Variants in SSC5D observed in about 807,000 individuals in gnomAD.
SSC5D encodes soluble scavenger receptor cysteine-rich domain-containing protein SSC5D.
A neutral mutation model predicts 104.6 loss-of-function variants in SSC5D; 106 were observed. The ratio of observed to expected loss-of-function variants is 1.01; its 90% CI spans 0.87 to 1.19. The LOEUF is 1.19. SSC5D is among the 50% of genes most tolerant of loss of function. The pLI, the probability that SSC5D is intolerant of heterozygous loss-of-function variation, is 0.00. For missense variants in SSC5D, 1,993 were observed against 2,153.8 expected (o/e 0.93, Z 1.48); for synonymous variants, 860 against 883.5 (o/e 0.97, Z 0.47).
rs1168926135 is a variant in SSC5D at position 55,491,087 on chromosome 19, CG to C, written c.895+10del. On this transcript the variant is annotated splice_region_variant and intron_variant, in intron 6 of 13. Transcript: ENST00000389623. The stretch of plus-strand genomic sequence containing the variant: ...GCGGGGCTGGTCTGCACCGGTACGT[CG>C]GGCTGGGGCCTGGCCCCCTCCTGTC... 1 of 1,545,204 alleles carries C rather than the reference CG, an allele frequency of 6.5e-7. No individual in the cohort carries two copies. Among genetic ancestry groups the C allele is most frequent in the South Asian group, 1.2e-5 (1 of 83,562 alleles).
At chr19:55,491,129 C>CT in intron 6 of SSC5D, 49 bp downstream of exon 6, 1 of 1,510,222 alleles carries the variant, frequency 6.6e-7, no homozygotes, top group South Asian at 1.3e-5. Context: ...CAGACCCCAG[C>CT]TCCCTCTTGC....
At chr19:55,501,008 C>G in intron 11 of SSC5D, 26 bp from the exon 12 acceptor site, 1 of 1,550,586 alleles carries the variant, frequency 6.4e-7, no homozygotes, top group African/African-American at 1.4e-5. Flanking sequence ...AGGATGGGGT[C>G]AACCATTACC....
At chr19:55,508,082 C>T (rs1223870858) in intron 12 of SSC5D, among the ~76,000 whole-genome samples, 1 of 152,062 alleles carries the variant, frequency 6.6e-6, no homozygotes, top group Admixed American at 6.6e-5. Context: ...GGCACAGCAG[C>T]CAGAGTGGGG....
At position 55,493,907 on chromosome 19, in the gene SSC5D, G is replaced by A. The variant is rs1261131627; in HGVS notation, c.1208G>A (p.Cys403Tyr). 5.2e-6 allele frequency: 8 copies of A among 1,543,596 alleles called. No individual in the cohort carries two copies. In the East Asian group the frequency reaches 2.0e-4, roughly 38 times the overall value. ...CHHREDAGAV[C>Y]DGMPLGYVPP... ...CACCGCGAGGACGCCGGGGCCGTGT[G>A]TGACGGTGAGGGGGTTGTGGTGGAG... The change falls in exon 7 of 14, where the codon TGT becomes TAT. Residue 403 changes from cysteine (C) to tyrosine (Y), a missense_variant. Around this residue, in one of 6 missense-constraint regions of SSC5D, gnomAD observed 1,101 missense variants for 1,085.0 expected, o/e 1.01. Coordinates refer to ENST00000389623, the MANE Select transcript of SSC5D (RefSeq NM_001144950.2).
At chr19:55,490,440 G>GCAACCAA (rs71181775) in intron 5 of SSC5D, 32 bp downstream of exon 5, 63 of 729,786 alleles carry the variant, frequency 8.6e-5, no homozygotes, top group Middle Eastern at 2.5e-4. Flanking sequence ...CCGACCCCAA[G>GCAACCAA]GCTGGTTGCT....
At position 55,489,374 on chromosome 19, in the gene SSC5D, G is replaced by A. The variant is rs556897438; in HGVS notation, c.73G>A (p.Gly25Ser). 6.8e-7 allele frequency: 1 copy of A among 1,463,994 alleles called. No homozygotes were observed. Among genetic ancestry groups the A allele is most frequent in the South Asian group, 1.4e-5 (1 of 70,842 alleles). 90.7% of individuals were successfully genotyped at this position (1,463,994 alleles called of 1,614,324 possible). A position where few individuals can be genotyped will look rare whatever the true frequency, so the allele number is the denominator to read the frequency against. ...CTCAGAGCGCCTGCGCCTGGCCGAT[G>A]GCCCCCATGGGTGCGCTGGCCGCCT... ...QAVERLRLAD[G>S]PHGCAGRLEV... The change falls in exon 3 of 14, where the codon GGC (glycine) becomes AGC (serine). Residue 25 changes from glycine (G) to serine (S), a missense_variant. Physicochemically the swap from Gly to Ser is moderately conservative, Grantham distance 56. Coordinates refer to ENST00000389623, the MANE Select transcript of SSC5D (RefSeq NM_001144950.2).
chr19:55,517,559 C>T lies in SSC5D; in HGVS notation c.3283C>T (p.Pro1095Ser), dbSNP rs1987901262. The change falls in exon 14 of 14, where the codon CCC becomes TCC. Residue 1095 changes from proline (P) to serine (S), a missense_variant. Pro to Ser is a moderately conservative substitution (Grantham distance 74). Around this residue, in one of 6 missense-constraint regions of SSC5D, gnomAD observed 423 missense variants for 409.2 expected, o/e 1.03. Coordinates refer to ENST00000389623, the MANE Select transcript of SSC5D (RefSeq NM_001144950.2). Reference protein sequence around the residue: ...EPSPTPLPTLPKELTSDPSTP... With the variant: ...EPSPTPLPTLSKELTSDPSTP... ...CTCACCCACGCCCTTACCCACCTTG[C>T]CCAAAGAGCTGACCTCTGACCCTTC... The T allele has an allele frequency of 1.3e-6, 2 of 1,551,432 alleles. No individual in the cohort carries two copies. The highest frequency in any genetic ancestry group is 1.7e-6 in the Non-Finnish European group (2 of 1,147,010).
intron 8 of SSC5D, among the ~76,000 whole-genome samples, chr19:55,495,910 T>TC (rs914756546): frequency 1.3e-5 from 2 of 149,136 alleles, no homozygotes; most frequent in African/African-American, 5.0e-5. Flanking sequence ...TATTTTTTTT[T>TC]TTTTTTTTTT....
rs1987893965 is a variant in SSC5D, at chr19:55,517,315, C to A, written c.3039C>A (p.Ala1013=). 3.2e-6 allele frequency: 5 copies of A among 1,549,834 alleles called. 1 individual carries two copies. In the East Asian group the frequency reaches 1.2e-4, roughly 38 times the overall value. Reference sequence around the variant, plus strand: ...CAACCCCGTCCCCAGGTCCCTCCGCCTCTCCGGGACCCCCAGGCCCAGCGC... The same window carrying A: ...CAACCCCGTCCCCAGGTCCCTCCGCATCTCCGGGACCCCCAGGCCCAGCGC... ...APPTPSPGPS[A]SPGPPGPALT... Residue 1013 remains alanine (A), a synonymous_variant, in exon 14 of 14, where the codon GCC becomes GCA. Transcript: ENST00000389623.
intron 12 of SSC5D, among the ~76,000 whole-genome samples, chr19:55,504,507 T>G (rs1017233723): frequency 6.6e-6 from 1 of 152,196 alleles, no homozygotes; most frequent in Non-Finnish European, 1.5e-5. Flanking sequence ...TTTTATTTAT[T>G]TATTATTTAT....
chr19:55,497,448 A>G (rs1987353838), intron 8 of SSC5D, among the ~76,000 whole-genome samples: 1 of 152,242 alleles, frequency 6.6e-6, no homozygotes, highest in African/African-American at 2.4e-5. Context: ...TGTAACATAA[A>G]GTTAACCAGT....
chr19:55,517,445 C>T lies in SSC5D; in HGVS notation c.3169C>T (p.Arg1057Trp), dbSNP rs1487793091. ...ACCACCCACCCCAGACCCGGCCTCC[C>T]GGACGAACCCCGACCTCATCTTGAC... Reference protein sequence around the residue: ...TSPPTPDPASRTNPDLILTSP... With the variant: ...TSPPTPDPASWTNPDLILTSP... Residue 1057 changes from arginine to tryptophan, a missense_variant, in exon 14 of 14, where the codon CGG becomes TGG. By Grantham distance (101) the Arg-to-Trp change is moderately radical (BLOSUM62 -3). Transcript: ENST00000389623. 1.0e-5 allele frequency: 16 copies of T among 1,551,140 alleles called. No homozygotes were observed. The highest frequency in any genetic ancestry group is 3.3e-4 in the Middle Eastern group (2 of 5,992).
At chr19:55,499,056 C>T (rs1186449748) in intron 9 of SSC5D, among the ~76,000 whole-genome samples, 1 of 152,174 alleles carries the variant, frequency 6.6e-6, no homozygotes, top group African/African-American at 2.4e-5. Context: ...TTCCCCCAAG[C>T]CTTGGCATCC....
At position 55,500,920 on chromosome 19, in the gene SSC5D, G is replaced by A. The variant is rs1390854465; in HGVS notation, c.2618-114G>A. ...TCTAAAGAACTGGGTATGAGGGGTC[G>A]GGGTGGGGAGATCCCAGAGTTGCTC... On this transcript the variant is annotated intron_variant, in intron 11 of 13. Transcript: ENST00000389623. This position sits in a 1 kb window ranked among gnomAD's most constrained non-coding sequence, Gnocchi z 4.6. 3.7e-5 allele frequency: 55 copies of A among 1,502,954 alleles called. No individual in the cohort carries two copies. Among genetic ancestry groups the A allele is most frequent in the Non-Finnish European group, 4.0e-5 (44 of 1,113,576 alleles). 93.1% of individuals were successfully genotyped at this position (1,502,954 alleles called of 1,614,324 possible). A position where few individuals can be genotyped will look rare whatever the true frequency, so the allele number is the denominator to read the frequency against.
intron 13 of SSC5D, among the ~76,000 whole-genome samples, chr19:55,514,550 G>GATC (rs1233601247): frequency 6.7e-6 from 1 of 149,326 alleles, no homozygotes; most frequent in Non-Finnish European, 1.5e-5. Context: ...GCAGTGAGCT[G>GATC]AGATCGCACC....
In SSC5D at chr19:55,518,024, ATCAC is replaced by A. The variant is rs1208705120; in HGVS notation, c.3755_3758del (p.His1252ProfsTer3). The A allele has an allele frequency of 2.0e-6, 3 of 1,487,792 alleles. No individual in the cohort carries two copies. The highest frequency in any genetic ancestry group is 2.7e-6 in the Non-Finnish European group (3 of 1,121,584). 92.2% of individuals were successfully genotyped at this position (1,487,792 alleles called of 1,614,324 possible). On this transcript the variant is annotated frameshift_variant, in exon 14 of 14. Transcript: ENST00000389623. LOFTEE classifies it low-confidence loss of function (END_TRUNC). ...CACCACGACCCCTCATCCCACCACC[ATCAC>A]TCACTCCACCATGATTCCTGACCCC... is the stretch of plus-strand genomic sequence containing the variant.
At chr19:55,514,023 T>C (rs1346285757) in intron 13 of SSC5D, among the ~76,000 whole-genome samples, 1 of 152,172 alleles carries the variant, frequency 6.6e-6, no homozygotes, top group African/African-American at 2.4e-5. Flanking sequence ...AGGTGGGTAT[T>C]ATCCAGTGTG....
chr19:55,491,104 C>T, intron 6 of SSC5D, 24 bp downstream of exon 6: 2 of 1,537,378 alleles, frequency 1.3e-6, no homozygotes, highest in Non-Finnish European at 1.8e-6. Context: ...GGGCCTGGCC[C>T]CCTCCTGTCT....
rs1215876737 is a variant in SSC5D, at chr19:55,500,080, C to T, written c.1970C>T (p.Pro657Leu). The T allele has an allele frequency of 1.9e-6, 3 of 1,551,600 alleles. No homozygotes were observed. Among genetic ancestry groups the T allele is most frequent in the South Asian group, 2.4e-5 (2 of 84,034 alleles). ...PTTKHSRAQS[P>L]PDLTSQTTAA... ...ACGAAACACTCCAGGGCCCAAAGCC[C>T]CCCAGACCTAACCTCACAGACCACT... Residue 657 changes from proline to leucine, a missense_variant, in exon 10 of 14, where the codon CCC becomes CTC. Physicochemically the swap from Pro to Leu is moderately conservative, Grantham distance 98 (BLOSUM62 -3). Transcript: ENST00000389623. This position sits in a 1 kb window ranked among gnomAD's most constrained non-coding sequence, Gnocchi z 4.6.
Sources: allele counts gnomAD v4.1 joint callset (sites outside exome capture counted in the v4.1 genomes callset), GRCh38; gene constraint gnomAD v4.1.1; regional missense constraint gnomAD v4.1.1; non-coding constraint Gnocchi (gnomAD v3.1); transcripts MANE v1.5; gene names NCBI Gene and HGNC (gene_info 2026-07-23, HGNC 2026-07-21).